Variants in OPCML observed in about 807,000 individuals in gnomAD.
OPCML encodes opioid binding protein/cell adhesion molecule like, also known as opioid-binding protein/cell adhesion molecule.
A neutral mutation model predicts 37.8 loss-of-function variants in OPCML; 13 were observed. That is an observed-to-expected ratio of 0.34 (90% confidence interval 0.22 to 0.55). The LOEUF (loss-of-function observed/expected upper bound fraction) is 0.55, where lower values mean the gene tolerates loss of function less well. Ranked by LOEUF, OPCML falls within the 20% of genes least tolerant of loss-of-function variation. The pLI is 0.91. For missense variants in OPCML, 341 were observed against 435.6 expected, an observed-to-expected ratio of 0.78 and a Z score of 1.93; for synonymous variants, 176 against 168.8, an observed-to-expected ratio of 1.04 and a Z score of -0.33.
intron 1 of OPCML, among the ~76,000 whole-genome samples, chr11:133,018,108 C>T (rs1426186741): frequency 2.6e-5 from 4 of 152,178 alleles, no homozygotes; most frequent in Admixed American, 6.5e-5. Context: ...GACTGTGTTC[C>T]TGCCATAGTT....
intron 1 of OPCML, among the ~76,000 whole-genome samples, chr11:133,043,207 C>G (rs1426038657): frequency 6.6e-6 from 1 of 152,104 alleles, no homozygotes; most frequent in Non-Finnish European, 1.5e-5. Context: ...GCAGAGAGAG[C>G]CCAGCTGGGA....
chr11:133,462,387 T>C (rs1413110391), intron 1 of OPCML, among the ~76,000 whole-genome samples: 1 of 152,068 alleles, frequency 6.6e-6, no homozygotes, highest in African/African-American at 2.4e-5. Context: ...ACCAGTATCA[T>C]CAGAGTGAAA....
chr11:133,447,290 C>T (rs567736512), intron 1 of OPCML, among the ~76,000 whole-genome samples: 2 of 152,184 alleles, frequency 1.3e-5, no homozygotes, highest in Non-Finnish European at 2.9e-5. Context: ...TGTTAAGCAT[C>T]TTTACATGTG....
intron 1 of OPCML, among the ~76,000 whole-genome samples, chr11:132,983,396 AT>A (rs1054268172): frequency 2.6e-5 from 4 of 151,476 alleles, no homozygotes; most frequent in African/African-American, 7.3e-5. Context: ...TAAATATTTC[AT>A]TTTTTTTTCC....
chr11:132,561,920 A>G (rs1425069775), intron 3 of OPCML, among the ~76,000 whole-genome samples: 6 of 152,214 alleles, frequency 3.9e-5, no homozygotes, highest in African/African-American at 1.4e-4. Flanking sequence ...CCTAGTGTCC[A>G]TACAGCCACA....
Position 132,433,232 on chromosome 11 carries a change from G to A in OPCML, c.916+2854C>T, listed in dbSNP as rs563945504. The stretch of plus-strand genomic sequence containing the variant: ...GGGCCATGTCACAATAAGTGTTGGC[G>A]GGTACCAGTAGAAACACGACAGTAT... On this transcript the variant is annotated intron_variant, in intron 7 of 7. Transcript: ENST00000524381. 1.1e-4 allele frequency among the ~76,000 whole-genome samples: 16 copies of A among 152,296 alleles called. No individual in the cohort carries two copies. In the South Asian group the frequency reaches 2.1e-3, roughly 20 times the overall value.
chr11:133,253,891 C>A (rs1390594184), intron 1 of OPCML, among the ~76,000 whole-genome samples: 1 of 121,608 alleles, frequency 8.2e-6, no homozygotes, highest in African/African-American at 3.2e-5. Context: ...TTCTCCTGCT[C>A]CCTCCCTCAC....
chr11:132,919,709 C>T (rs991768032), intron 2 of OPCML, among the ~76,000 whole-genome samples: 10 of 152,040 alleles, frequency 6.6e-5, no homozygotes, highest in African/African-American at 1.7e-4. Flanking sequence ...TTGAATTGCT[C>T]GCTTCTGTCT....
In OPCML at chr11:133,233,184, C is replaced by T. The variant is rs368118109; in HGVS notation, c.62-290174G>A. Among the ~76,000 whole-genome samples, 10 of 152,280 alleles carry T rather than the reference C, an allele frequency of 6.6e-5. 1 individual carries two copies. The highest frequency in any genetic ancestry group is 3.9e-4 in the Admixed American group (6 of 15,300). ...AGAAACTGAGGACCAAAAGAGGGGC[C>T]GAGTTTCCAGACTGGGGAGAAGATG... On this transcript the variant is annotated intron_variant, in intron 1 of 7. Coordinates refer to ENST00000524381, the MANE Select transcript of OPCML (RefSeq NM_001012393.5).
At chr11:132,881,620 A>AAAT (rs1555202575) in intron 2 of OPCML, among the ~76,000 whole-genome samples, 6 of 151,202 alleles carry the variant, frequency 4.0e-5, no homozygotes, top group African/African-American at 4.9e-5. Flanking sequence ...AAATTTAAAA[A>AAAT]AATAATAATA....
intron 2 of OPCML, among the ~76,000 whole-genome samples, chr11:132,898,501 C>T (rs756586599): frequency 6.6e-6 from 1 of 152,180 alleles, no homozygotes; most frequent in Non-Finnish European, 1.5e-5. Flanking sequence ...TCTGAAGCAA[C>T]AAGCTTGACA....
chr11:132,598,047 C>G (rs1053163685), intron 3 of OPCML, among the ~76,000 whole-genome samples: 1 of 152,058 alleles, frequency 6.6e-6, no homozygotes, highest in South Asian at 2.1e-4. Context: ...CAGCAACCCT[C>G]GCTCCATTCA....
At chr11:132,486,730 C>T (rs1186082269) in intron 4 of OPCML, among the ~76,000 whole-genome samples, 1 of 151,048 alleles carries the variant, frequency 6.6e-6, no homozygotes, top group African/African-American at 2.4e-5. Context: ...CTATCAATAT[C>T]CTTTCCTCAC....
chr11:133,040,928 C>T (rs1947880719), intron 1 of OPCML, among the ~76,000 whole-genome samples: 1 of 152,110 alleles, frequency 6.6e-6, no homozygotes, highest in Admixed American at 6.5e-5. Flanking sequence ...GAATGTAAAA[C>T]CACACAGAAC....
chr11:132,955,693 C>A (rs1002812699), intron 1 of OPCML, among the ~76,000 whole-genome samples: 12 of 151,996 alleles, frequency 7.9e-5, no homozygotes, highest in Non-Finnish European at 1.0e-4. Flanking sequence ...ACCATCCTGA[C>A]CAACATGGTG....
intron 2 of OPCML, among the ~76,000 whole-genome samples, chr11:132,806,803 A>G (rs1232636842): frequency 2.0e-5 from 3 of 152,284 alleles, no homozygotes; most frequent in East Asian, 1.9e-4. Flanking sequence ...CATCATACAC[A>G]TTCTTTTCAA....
chr11:132,445,353 G>T (rs1284761069), intron 4 of OPCML, among the ~76,000 whole-genome samples: 1 of 152,172 alleles, frequency 6.6e-6, no homozygotes, highest in Non-Finnish European at 1.5e-5. Context: ...AGTAGCCGAG[G>T]ATGACACAAA....
At chr11:132,629,508 C>A (rs1007278821) in intron 3 of OPCML, among the ~76,000 whole-genome samples, 2 of 152,132 alleles carry the variant, frequency 1.3e-5, no homozygotes, top group African/African-American at 4.8e-5. Flanking sequence ...GTCCTCATTG[C>A]ATATGAAAAT....
intron 4 of OPCML, among the ~76,000 whole-genome samples, chr11:132,499,839 G>A (rs1175186924): frequency 6.6e-6 from 1 of 152,166 alleles, no homozygotes; most frequent in African/African-American, 2.4e-5. Context: ...TAACATCACG[G>A]TATGTTCTGC....
Sources: gnomAD v4.1 joint callset for allele counts (sites outside exome capture counted in the v4.1 genomes callset) on GRCh38, gnomAD v4.1.1 for gene constraint, MANE v1.5 for transcripts, NCBI Gene and HGNC (gene_info 2026-07-23, HGNC 2026-07-21) for gene names.